Variants in DACH2 observed in about 807,000 individuals in gnomAD.
DACH2 encodes dachshund family transcription factor 2.
In DACH2, 17 loss-of-function variants were observed where a neutral mutation model predicts 35.8. That is an observed-to-expected ratio of 0.48 (90% CI 0.33 to 0.71). DACH2 has a LOEUF of 0.71. Ranked by LOEUF, DACH2 falls within the 30% of genes least tolerant of loss-of-function variation. DACH2 has a pLI of 0.02. For synonymous variants in DACH2, 195 were observed against 177.3 expected (o/e 1.10, Z -0.79); for missense variants, 469 against 472.7 (o/e 0.99, Z 0.07).
chrX:86,632,137 G>C (rs1211816157), intron 3 of DACH2, among the ~76,000 whole-genome samples: 2 of 111,048 alleles, frequency 1.8e-5, no homozygotes, highest in African/African-American at 6.5e-5. Context: ...AAGTATCTCT[G>C]CGAATCCATT....
At chrX:86,176,959 G>C (rs1048863088) in intron 1 of DACH2, among the ~76,000 whole-genome samples, 1 of 111,211 alleles carries the variant, frequency 9.0e-6, no homozygotes, top group African/African-American at 3.3e-5. Context: ...TCTTGTTTTA[G>C]CACATTACTA....
chrX:86,306,983 C>T (rs2034701299), intron 1 of DACH2, among the ~76,000 whole-genome samples: 1 of 111,317 alleles, frequency 9.0e-6, no homozygotes, highest in Admixed American at 9.6e-5. Flanking sequence ...TGGAGAACAC[C>T]AATATTCCTT....
intron 1 of DACH2, among the ~76,000 whole-genome samples, chrX:86,231,944 C>T (rs979840337): frequency 2.7e-5 from 3 of 111,371 alleles, no homozygotes; most frequent in Non-Finnish European, 5.6e-5. Context: ...GTATTTCGCT[C>T]AGCTTGGCTC....
intron 2 of DACH2, chrX:86,512,939 C>A (rs2038415643): frequency 3.1e-6 from 1 of 326,434 alleles, no homozygotes; most frequent in Non-Finnish European, 5.9e-6. Flanking sequence ...AGAGGAGAGT[C>A]CATTTATAAA....
At chrX:86,518,898 G>A (rs1001745146) in intron 3 of DACH2, among the ~76,000 whole-genome samples, 5 of 111,727 alleles carry the variant, frequency 4.5e-5, no homozygotes, top group Admixed American at 1.9e-4. Flanking sequence ...TCTTTCTCTT[G>A]CCTGATTGCT....
chrX:86,822,997 C>A lies in DACH2; in HGVS notation c.1750+6898C>A, dbSNP rs914151861. 4.5e-5 allele frequency among the ~76,000 whole-genome samples: 5 copies of A among 111,035 alleles called. No individual in the cohort carries two copies. In the East Asian group the frequency reaches 1.4e-3, roughly 31 times the overall value. On this transcript the variant is annotated intron_variant, in intron 11 of 11. Transcript: ENST00000373125. ...TGAGACGGAGTTTCATGCTTGTTAC[C>A]CAGGCAGGAGTGCAGTGGCATATCG... is the stretch of plus-strand genomic sequence containing the variant.
intron 6 of DACH2, among the ~76,000 whole-genome samples, chrX:86,730,959 A>G (rs750836413): frequency 3.1e-4 from 35 of 111,786 alleles, no homozygotes; most frequent in African/African-American, 1.1e-3. Context: ...CATACACACG[A>G]AATACATTTG....
At chrX:86,348,737 C>T (rs950477329) in intron 1 of DACH2, among the ~76,000 whole-genome samples, 12 of 112,383 alleles carry the variant, frequency 1.1e-4, no homozygotes, top group Non-Finnish European at 5.6e-5. Context: ...AGCATTTGCA[C>T]TTTGTTTTAT....
At chrX:86,221,981 A>G (rs1261221124) in intron 1 of DACH2, among the ~76,000 whole-genome samples, 1 of 111,877 alleles carries the variant, frequency 8.9e-6, no homozygotes, top group Non-Finnish European at 1.9e-5. Context: ...TCTCATGTCT[A>G]TTCCTCTTAA....
intron 1 of DACH2, among the ~76,000 whole-genome samples, chrX:86,317,584 A>G (rs2034937079): frequency 8.9e-6 from 1 of 112,297 alleles, no homozygotes; most frequent in Non-Finnish European, 1.9e-5. Context: ...GTTAAAAACA[A>G]CTTATGATAG....
chrX:86,572,133 A>G (rs1197142862), intron 3 of DACH2, among the ~76,000 whole-genome samples: 1 of 111,132 alleles, frequency 9.0e-6, no homozygotes, highest in Admixed American at 9.6e-5. Flanking sequence ...TAGGAGATAT[A>G]CCTAATGTAA....
chrX:86,619,488 A>G (rs2040044717), intron 3 of DACH2, among the ~76,000 whole-genome samples: 1 of 112,098 alleles, frequency 8.9e-6, no homozygotes, highest in Non-Finnish European at 1.9e-5. Flanking sequence ...AGTGTAACAT[A>G]TACCAATTTA....
chrX:86,329,765 C>T (rs1482459554), intron 1 of DACH2, among the ~76,000 whole-genome samples: 3 of 111,064 alleles, frequency 2.7e-5, no homozygotes, highest in East Asian at 2.8e-4. Flanking sequence ...TTTCATTTGA[C>T]GATAGCCTAT....
chrX:86,503,415 A>T (rs1438722157), intron 2 of DACH2, among the ~76,000 whole-genome samples: 1 of 112,464 alleles, frequency 8.9e-6, no homozygotes, highest in Admixed American at 9.4e-5. Flanking sequence ...AAAGTTAACT[A>T]ATGTATTAAC....
intron 2 of DACH2, among the ~76,000 whole-genome samples, chrX:86,398,571 G>A (rs929092854): frequency 2.2e-4 from 25 of 111,899 alleles, no homozygotes; most frequent in Admixed American, 2.1e-3. Flanking sequence ...ATGTGTCCCA[G>A]AGATTCTGGT....
intron 2 of DACH2, among the ~76,000 whole-genome samples, chrX:86,482,607 G>A (rs906121742): frequency 2.5e-4 from 27 of 108,188 alleles, no homozygotes; most frequent in African/African-American, 4.7e-4. Context: ...CTGAGGAATC[G>A]CCACACTGAT....
At chrX:86,531,995 T>C (rs191394745) in intron 3 of DACH2, among the ~76,000 whole-genome samples, 169 of 113,062 alleles carry the variant, frequency 1.5e-3, no homozygotes, top group Middle Eastern at 9.1e-3. Flanking sequence ...TTTAGAGCTT[T>C]AGGATTTAAT....
intron 7 of DACH2, among the ~76,000 whole-genome samples, chrX:86,743,299 G>C (rs1475946805): frequency 9.0e-6 from 1 of 111,281 alleles, no homozygotes; most frequent in Non-Finnish European, 1.9e-5. Context: ...TGTCTTAGGA[G>C]AGCTGTTCAA....
intron 1 of DACH2, among the ~76,000 whole-genome samples, chrX:86,293,024 G>T (rs1388858222): frequency 1.0e-5 from 1 of 96,442 alleles, no homozygotes; most frequent in East Asian, 3.3e-4. Flanking sequence ...TTGACAGTGG[G>T]GTGTTAAAGT....
Sources: allele counts gnomAD v4.1 joint callset (sites outside exome capture counted in the v4.1 genomes callset), GRCh38; gene constraint gnomAD v4.1.1; transcripts MANE v1.5; gene names NCBI Gene and HGNC (gene_info 2026-07-23, HGNC 2026-07-21).